The following EXOC3L1 variants were observed in gnomAD, a reference collection of about 807,000 sequenced individuals.
EXOC3L1 encodes the protein exocyst complex component 3 like 1, also known as exocyst complex component 3-like protein.
A neutral mutation model predicts 83.6 loss-of-function variants in EXOC3L1; 79 were observed. The observed-to-expected ratio is 0.95, with a 90% CI of 0.79 to 1.14. The LOEUF (loss-of-function observed/expected upper bound fraction) is 1.14, where lower values mean the gene tolerates loss of function less well. EXOC3L1 is among the 50% of genes most tolerant of loss of function. The pLI is 0.00. For synonymous variants in EXOC3L1, 433 were observed against 451.2 expected (o/e 0.96, Z 0.51); for missense variants, 945 against 972.0 (o/e 0.97, Z 0.37).
intron 3 of EXOC3L1, 28 bp downstream of exon 3, chr16:67,188,992 G>T (rs374715081): frequency 6.2e-7 from 1 of 1,604,832 alleles, no homozygotes; most frequent in East Asian, 2.2e-5. Flanking sequence ...CACAGTCCCA[G>T]CACCCGCACC....
rs778347207 is a variant in EXOC3L1, at chr16:67,188,718, C to T, written c.427+3G>A. The T allele has an allele frequency of 5.6e-6, 9 of 1,608,474 alleles. No homozygotes were observed. Among genetic ancestry groups the T allele is most frequent in the East Asian group, 2.2e-5 (1 of 44,774 alleles). On this transcript the variant is annotated splice_donor_region_variant and intron_variant, in intron 4 of 13. Coordinates refer to ENST00000314586, the MANE Select transcript of EXOC3L1 (RefSeq NM_178516.4). ...CTGAGGCCCAGGGTCCCTGCATGCT[C>T]ACCTGCCCGCAGCCGAGGCAGCAGG...
chr16:67,189,575 C>T, intron 2 of EXOC3L1, 56 bp downstream of exon 2: 2 of 1,601,226 alleles, frequency 1.2e-6, no homozygotes, highest in Admixed American at 3.3e-5. Flanking sequence ...CTGCGCCCAG[C>T]CAGTCCCATC....
chr16:67,186,328 G>A lies in EXOC3L1; in HGVS notation c.1405C>T (p.Arg469Ter), dbSNP rs141772271. ...CCCCTGAAGTGGTCTCGGGAGAATC[G>A]GATCAGAGCATCACTGAAGCTGCAA... is the stretch of plus-strand genomic sequence containing the variant. The part of the protein sequence containing the change: ...FLRSFSDALI[R>*]FSRDHFRGKS... Residue 469 changes from arginine to a stop codon, truncating the protein, a stop_gained, in exon 9 of 14, where the codon CGA becomes TGA. Coordinates refer to ENST00000314586, the MANE Select transcript of EXOC3L1 (RefSeq NM_178516.4). LOFTEE classifies it high-confidence loss of function. The A allele has an allele frequency of 4.8e-3, 7,464 of 1,564,662 alleles. 41 individuals are homozygous for A. Among genetic ancestry groups the A allele is most frequent in the South Asian group, 0.014 (1,160 of 85,194 alleles).
chr16:67,188,560 G>T (rs367752086), intron 4 of EXOC3L1, among the ~76,000 whole-genome samples, 161 bp downstream of exon 4: 1 of 152,230 alleles, frequency 6.6e-6, no homozygotes, highest in Non-Finnish European at 1.5e-5. Flanking sequence ...ATCCCAGGAT[G>T]AGCTGCCTCA....
rs947504073 is a variant in EXOC3L1 at position 67,184,929 on chromosome 16, G to C, written c.1878C>G (p.Ala626=). The C allele has an allele frequency of 1.2e-6, 2 of 1,611,978 alleles. No homozygotes were observed. Among genetic ancestry groups the C allele is most frequent in the African/African-American group, 1.3e-5 (1 of 74,888 alleles). ...QAAERLRHDA[A]QLQQLFLSLG... Reference sequence around the variant, plus strand: ...AACTGAGGAAAAGCTGCTGAAGCTGGGCAGCATCGTGCCGCAGGCGCTCGG... The same window carrying C: ...AACTGAGGAAAAGCTGCTGAAGCTGCGCAGCATCGTGCCGCAGGCGCTCGG... The change falls in exon 12 of 14, where the codon GCC becomes GCG. Residue 626 remains alanine, a synonymous_variant. Coordinates refer to ENST00000314586, the MANE Select transcript of EXOC3L1 (RefSeq NM_178516.4).
At position 67,187,264 on chromosome 16, in the gene EXOC3L1, G is replaced by T; in HGVS notation, c.1001C>A (p.Ala334Asp). Reference protein sequence around the residue: ...LAGPELEAADAFALLHWALHV... With the variant: ...LAGPELEAADDFALLHWALHV... ...CAGTGCCCAGTGCAGCAAGGCGAAGGCATCCGCAGCTTCTAGCTCAGGCCC... is the reference window on the plus strand; with the variant it reads ...CAGTGCCCAGTGCAGCAAGGCGAAGTCATCCGCAGCTTCTAGCTCAGGCCC... Residue 334 changes from alanine to aspartate, a missense_variant, in exon 5 of 14, where the codon GCC becomes GAC. Physicochemically the swap from Ala to Asp is moderately radical, Grantham distance 126. Transcript: ENST00000314586. The T allele has an allele frequency of 6.2e-7, 1 of 1,612,576 alleles. No homozygotes were observed. Among genetic ancestry groups the T allele is most frequent in the Non-Finnish European group, 8.5e-7 (1 of 1,179,574 alleles).
Position 67,189,489 on chromosome 16 carries a change from T to C in EXOC3L1, c.46+142A>G. The C allele has an allele frequency of 7.4e-6, 7 of 949,086 alleles. No homozygotes were observed. In the South Asian group the frequency reaches 1.1e-4, roughly 15 times the overall value. The allele number at this position is 949,086 out of a possible 1,614,324, so 58.8% of individuals were successfully genotyped here. A position where few individuals can be genotyped will look rare whatever the true frequency, so the allele number is the denominator to read the frequency against. ...ACGGGGTTTCACTATGTTGGCCAGG[T>C]TGGTTTGGAGCTCCTGACCTCAGGT... is the stretch of plus-strand genomic sequence containing the variant. On this transcript the variant is annotated intron_variant, in intron 2 of 13. Coordinates refer to ENST00000314586, the MANE Select transcript of EXOC3L1 (RefSeq NM_178516.4).
chr16:67,184,900 A>G lies in EXOC3L1; in HGVS notation c.1905+2T>C, dbSNP rs562013805. On this transcript the variant is annotated splice_donor_variant, in intron 12 of 13. Transcript: ENST00000314586. LOFTEE classifies it high-confidence loss of function. ...CCGTCTGCCCGCCCAAGAAGCTCTC[A>G]CCAAACTGAGGAAAAGCTGCTGAAG... is the stretch of plus-strand genomic sequence containing the variant. 6.2e-7 allele frequency: 1 copy of G among 1,612,250 alleles called. No individual in the cohort carries two copies. Among genetic ancestry groups the G allele is most frequent in the East Asian group, 2.2e-5 (1 of 44,854 alleles).
intron 9 of EXOC3L1, 199 bp from the exon 10 acceptor site, chr16:67,185,689 A>C: frequency 1.7e-6 from 1 of 591,228 alleles, no homozygotes; most frequent in Non-Finnish European, 3.0e-6. Flanking sequence ...GACACAGCCC[A>C]GCGAGACCTG....
Position 67,189,075 on chromosome 16 carries a change from C to T in EXOC3L1, c.152G>A (p.Gly51Asp), listed in dbSNP as rs1401087424. 2 of 1,607,852 alleles carry T rather than the reference C, an allele frequency of 1.2e-6. No individual in the cohort carries two copies. Among genetic ancestry groups the T allele is most frequent in the Non-Finnish European group, 8.5e-7 (1 of 1,178,606 alleles). The change falls in exon 3 of 14, where the codon GGC (glycine) becomes GAC (aspartate). Residue 51 changes from glycine to aspartate, a missense_variant. Physicochemically the swap from Gly to Asp is moderately conservative, Grantham distance 94. Transcript: ENST00000314586. The part of the protein sequence containing the change: ...FYRPEQLARL[G>D]QYRSREVQRT... ...CTGCACCTCGCGGCTGCGGTACTGG[C>T]CTAGCCTGGCCAGCTGCTCCGGCCG...
intron 6 of EXOC3L1, 27 bp downstream of exon 6, chr16:67,186,994 C>A (rs367949513): frequency 1.2e-5 from 19 of 1,612,494 alleles, no homozygotes. Context: ...AGTAGGACTT[C>A]TCTGGACCTG....
Position 67,187,810 on chromosome 16 carries a change from G to A in EXOC3L1, c.455C>T (p.Thr152Ile), listed in dbSNP as rs753979523. 5 of 1,607,872 alleles carry A rather than the reference G, an allele frequency of 3.1e-6. No individual in the cohort carries two copies. The highest frequency in any genetic ancestry group is 4.2e-6 in the Non-Finnish European group (5 of 1,176,868). ...CAAGAACTGTTGGCCATCAATCAGA[G>A]TCTGTGTGTGGGACACTGCAGCCGG... Reference protein sequence around the residue: ...AVPAAVSHTQTLIDGQQFLEA... With the variant: ...AVPAAVSHTQILIDGQQFLEA... The change falls in exon 5 of 14, where the codon ACT (threonine) becomes ATT (isoleucine). Residue 152 changes from threonine (T) to isoleucine (I), a missense_variant. By Grantham distance (89) the Thr-to-Ile change is moderately conservative. Transcript: ENST00000314586.
chr16:67,186,889 G>A lies in EXOC3L1; in HGVS notation c.1159-5C>T. On this transcript the variant is annotated splice_region_variant and splice_polypyrimidine_tract_variant and intron_variant, in intron 6 of 13. Coordinates refer to ENST00000314586, the MANE Select transcript of EXOC3L1 (RefSeq NM_178516.4). ...CAGCCACTGAGACACACTTGCCTGG[G>A]GGGAGGGGCCAGGGGCAAAGGAATG... is the stretch of plus-strand genomic sequence containing the variant. 1 of 1,613,532 alleles carries A rather than the reference G, an allele frequency of 6.2e-7. No individual in the cohort carries two copies. Among genetic ancestry groups the A allele is most frequent in the Middle Eastern group, 1.6e-4 (1 of 6,062 alleles).
rs201662322 is a variant in EXOC3L1, at chr16:67,188,794, C to G, written c.354G>C (p.Glu118Asp). Residue 118 changes from glutamate to aspartate, a missense_variant, in exon 4 of 14, where the codon GAG (glutamate) becomes GAC (aspartate). Glu to Asp is a conservative substitution (Grantham distance 45). Transcript: ENST00000314586. ...QGMSQALQTL[E>D]PLRERVAQHK... ...GCTGGGCAACCCGCTCCCGTAGGGGCTCTAGAGTCTGTAAGGCCTGGGACA... is the reference window on the plus strand; with the variant it reads ...GCTGGGCAACCCGCTCCCGTAGGGGGTCTAGAGTCTGTAAGGCCTGGGACA... 7.6e-5 allele frequency: 122 copies of G among 1,613,340 alleles called. No homozygotes were observed. Among genetic ancestry groups the G allele is most frequent in the Middle Eastern group, 3.3e-4 (2 of 6,058 alleles).
In EXOC3L1 at chr16:67,185,370, C is replaced by A. The variant is rs2032671471; in HGVS notation, c.1617G>T (p.Ala539=). 6.2e-7 allele frequency: 1 copy of A among 1,612,778 alleles called. No individual in the cohort carries two copies. Among genetic ancestry groups the A allele is most frequent in the Non-Finnish European group, 8.5e-7 (1 of 1,180,034 alleles). ...CTGAAGGAGGCCTCACCTGGAGCTC[C>A]GCCTGCAGCGCCTCCAACACCAAGC... The part of the protein sequence containing the change: ...IYRLVLEALQ[A]ELQPLFADLP... The change falls in exon 10 of 14, where the codon GCG becomes GCT. Residue 539 remains alanine, a synonymous_variant. Coordinates refer to ENST00000314586, the MANE Select transcript of EXOC3L1 (RefSeq NM_178516.4).
At chr16:67,186,370 C>T (rs1214070840) in intron 8 of EXOC3L1, 23 bp from the exon 9 acceptor site, 2 of 1,529,850 alleles carry the variant, frequency 1.3e-6, no homozygotes, top group South Asian at 1.2e-5. Flanking sequence ...GAGGTGGCTC[C>T]TGGACTTGCT....
At chr16:67,185,303 ACGTAG>A in intron 10 of EXOC3L1, 45 bp from the exon 11 acceptor site, 1 of 1,613,056 alleles carries the variant, frequency 6.2e-7, no homozygotes, top group Non-Finnish European at 8.5e-7. Flanking sequence ...AGACCCCCAT[ACGTAG>A]CTGTACCGCC....
At position 67,186,801 on chromosome 16, in the gene EXOC3L1, C is replaced by G; in HGVS notation, c.1242G>C (p.Pro414=). 6.2e-7 allele frequency: 1 copy of G among 1,613,690 alleles called. No individual in the cohort carries two copies. The highest frequency in any genetic ancestry group is 8.5e-7 in the Non-Finnish European group (1 of 1,180,030). The change falls in exon 7 of 14, where the codon CCG becomes CCC. Residue 414 remains proline (P), a synonymous_variant. Coordinates refer to ENST00000314586, the MANE Select transcript of EXOC3L1 (RefSeq NM_178516.4). ...GCATTGGTGAGTAATAGGAGCCAGA[C>G]GGGTCTGTGTTGGGCCCATGCTCCC... ...WGREHGPNTD[P]SGSYYSPMPA... is the part of the protein sequence containing the mutation.
chr16:67,186,889 G>C lies in EXOC3L1; in HGVS notation c.1159-5C>G, dbSNP rs1221129114. ...CAGCCACTGAGACACACTTGCCTGG[G>C]GGGAGGGGCCAGGGGCAAAGGAATG... is the stretch of plus-strand genomic sequence containing the variant. On this transcript the variant is annotated splice_region_variant and splice_polypyrimidine_tract_variant and intron_variant, in intron 6 of 13. Transcript: ENST00000314586. 1.2e-6 allele frequency: 2 copies of C among 1,613,532 alleles called. No homozygotes were observed. The highest frequency in any genetic ancestry group is 1.7e-5 in the Admixed American group (1 of 60,032).
Sources: allele counts gnomAD v4.1 joint callset (sites outside exome capture counted in the v4.1 genomes callset), GRCh38; gene constraint gnomAD v4.1.1; transcripts MANE v1.5; gene names NCBI Gene and HGNC (gene_info 2026-07-23, HGNC 2026-07-21).